The following GRID1 variants were observed in gnomAD, a reference collection of about 807,000 sequenced individuals.
GRID1 encodes the protein glutamate ionotropic receptor delta type subunit 1.
GRID1 carries 28 observed loss-of-function variants against 98.0 expected under a neutral mutation model. That is an observed-to-expected ratio of 0.29 (90% CI 0.21 to 0.39). GRID1 has a LOEUF of 0.39. Among genes scored for constraint, GRID1 ranks in the 10% least tolerant of loss-of-function variants. The pLI, the probability that GRID1 is intolerant of heterozygous loss-of-function variation, is 1.00. For synonymous variants in GRID1, 553 were observed against 538.5 expected, an observed-to-expected ratio of 1.03 and a Z score of -0.37; for missense variants, 1,111 against 1,340.5, an observed-to-expected ratio of 0.83 and a Z score of 2.67.
At chr10:86,088,455 C>A (rs1744253896) in intron 4 of GRID1, among the ~76,000 whole-genome samples, 1 of 152,204 alleles carries the variant, frequency 6.6e-6, no homozygotes, top group Non-Finnish European at 1.5e-5. Flanking sequence ...AAATGAGCAA[C>A]TGTACTTTGA....
At chr10:86,212,482 T>G (rs1285938685) in intron 2 of GRID1, among the ~76,000 whole-genome samples, 2 of 152,122 alleles carry the variant, frequency 1.3e-5, no homozygotes, top group Admixed American at 6.5e-5. Flanking sequence ...AAGGCTCAGC[T>G]CCTCTCCACG....
chr10:86,058,344 G>A (rs1280451400), intron 4 of GRID1, among the ~76,000 whole-genome samples: 2 of 152,148 alleles, frequency 1.3e-5, no homozygotes, highest in East Asian at 1.9e-4. Flanking sequence ...GCTGACATGA[G>A]AGCTATCAAG....
intron 4 of GRID1, among the ~76,000 whole-genome samples, chr10:86,133,832 G>A (rs1050247193): frequency 1.3e-5 from 2 of 152,218 alleles, no homozygotes; most frequent in Admixed American, 6.5e-5. Flanking sequence ...ATACAGAAAC[G>A]GATGGTGCCT....
At chr10:85,819,788 C>T (rs1345133313) in intron 8 of GRID1, among the ~76,000 whole-genome samples, 3 of 152,000 alleles carry the variant, frequency 2.0e-5, no homozygotes, top group South Asian at 2.1e-4. Flanking sequence ...GTGGTGGGCA[C>T]CTGTAATCCC....
chr10:85,820,470 C>T (rs1053573810), intron 8 of GRID1, among the ~76,000 whole-genome samples: 32 of 152,146 alleles, frequency 2.1e-4, no homozygotes, highest in African/African-American at 7.5e-4. Flanking sequence ...TTCTTCATAT[C>T]CTACTGCTCA....
At chr10:85,925,052 A>T (rs1477098760) in intron 4 of GRID1, among the ~76,000 whole-genome samples, 1 of 152,256 alleles carries the variant, frequency 6.6e-6, no homozygotes, top group African/African-American at 2.4e-5. Flanking sequence ...CAGAAAAATG[A>T]AATGGAGCCT....
chr10:86,080,416 G>GGGGAC (rs1843955141), intron 4 of GRID1, among the ~76,000 whole-genome samples: 2 of 13,304 alleles, frequency 1.5e-4, no homozygotes, highest in African/African-American at 7.5e-4. Flanking sequence ...GGGAAGGGGA[G>GGGGAC]GGGAGGGGAG....
intron 8 of GRID1, among the ~76,000 whole-genome samples, chr10:85,812,552 A>G (rs1270932792): frequency 6.6e-6 from 1 of 152,110 alleles, no homozygotes; most frequent in Non-Finnish European, 1.5e-5. Context: ...CTTAAAAGAC[A>G]TAACTGGAAT....
At chr10:85,707,905 T>C (rs553981489) in intron 12 of GRID1, among the ~76,000 whole-genome samples, 2 of 151,856 alleles carry the variant, frequency 1.3e-5, no homozygotes, top group African/African-American at 4.8e-5. Flanking sequence ...TAGGTGGGAA[T>C]TGAACAATGA....
chr10:85,848,801 GC>G (rs757492365), intron 8 of GRID1, among the ~76,000 whole-genome samples: 21 of 152,204 alleles, frequency 1.4e-4, no homozygotes, highest in Non-Finnish European at 2.5e-4. Context: ...CTGGGATGAA[GC>G]AGCAGTGTTT....
chr10:85,791,280 C>T (rs1252213100), intron 8 of GRID1, among the ~76,000 whole-genome samples: 1 of 152,212 alleles, frequency 6.6e-6, no homozygotes, highest in Non-Finnish European at 1.5e-5. Context: ...ATGAAAGATG[C>T]CCCATGGCGA....
intron 5 of GRID1, among the ~76,000 whole-genome samples, chr10:85,899,432 T>C (rs1368068140): frequency 1.3e-5 from 2 of 152,192 alleles, no homozygotes; most frequent in African/African-American, 4.8e-5. Context: ...GTATACCCAG[T>C]AGTGGGACTG....
At chr10:86,078,844 G>T (rs1238848155) in intron 4 of GRID1, among the ~76,000 whole-genome samples, 2 of 152,218 alleles carry the variant, frequency 1.3e-5, no homozygotes, top group Non-Finnish European at 2.9e-5. Context: ...CCAGCACCCA[G>T]CATGGATGCC....
chr10:86,225,147 G>A (rs967559020), intron 2 of GRID1, among the ~76,000 whole-genome samples: 2 of 152,204 alleles, frequency 1.3e-5, no homozygotes, highest in Non-Finnish European at 2.9e-5. Context: ...AAGACAGAGG[G>A]GCGGGGAGGA....
At chr10:85,652,218 G>A (rs922168581) in intron 12 of GRID1, among the ~76,000 whole-genome samples, 7 of 152,046 alleles carry the variant, frequency 4.6e-5, no homozygotes, top group Admixed American at 1.3e-4. Context: ...ACCTTTCTCC[G>A]TAAATCAATC....
chr10:86,031,854 G>A (rs1416818004), intron 4 of GRID1, among the ~76,000 whole-genome samples: 4 of 152,128 alleles, frequency 2.6e-5, no homozygotes, highest in African/African-American at 9.7e-5. Flanking sequence ...TCTTGCATAT[G>A]GCAAATACAC....
chr10:86,241,640 G>A (rs1038201903), intron 2 of GRID1, among the ~76,000 whole-genome samples: 2 of 152,214 alleles, frequency 1.3e-5, no homozygotes, highest in Non-Finnish European at 2.9e-5. Flanking sequence ...ATTAATTATT[G>A]CAATATCAAT....
intron 12 of GRID1, among the ~76,000 whole-genome samples, chr10:85,684,660 T>C (rs1357195740): frequency 2.0e-5 from 3 of 152,198 alleles, no homozygotes; most frequent in African/African-American, 2.4e-5. Flanking sequence ...AGCTTTTCCT[T>C]TGAGAGAAGA....
intron 6 of GRID1, among the ~76,000 whole-genome samples, chr10:85,864,608 G>A (rs931642037): frequency 2.0e-5 from 3 of 152,146 alleles, no homozygotes; most frequent in African/African-American, 7.2e-5. Flanking sequence ...AGCTGGTATG[G>A]GGAGGCTCAG....
Sources: allele counts gnomAD v4.1 joint callset (sites outside exome capture counted in the v4.1 genomes callset), GRCh38; gene constraint gnomAD v4.1.1; transcripts MANE v1.5; gene names NCBI Gene and HGNC (gene_info 2026-07-23, HGNC 2026-07-21).